The following RAB8B variants were observed in gnomAD, a reference collection of about 807,000 sequenced individuals.
RAB8B encodes the protein ras-related protein Rab-8B.
Under a neutral mutation model 32.0 loss-of-function variants are expected in RAB8B, and 11 were observed. The ratio of observed to expected loss-of-function variants is 0.34; its 90% CI spans 0.22 to 0.57. The LOEUF is 0.57. Among genes scored for constraint, RAB8B ranks in the 20% least tolerant of loss-of-function variants. RAB8B has a pLI of 0.86. For synonymous variants in RAB8B, 103 were observed against 89.6 expected, an observed-to-expected ratio of 1.15 and a Z score of -0.85; for missense variants, 190 against 258.5, an observed-to-expected ratio of 0.73 and a Z score of 1.82.
intron 1 of RAB8B, among the ~76,000 whole-genome samples, chr15:63,205,316 CAAAT>C (rs1005614981): frequency 1.9e-4 from 29 of 151,966 alleles, no homozygotes; most frequent in East Asian, 5.8e-4. Context: ...AATAAATAAA[CAAAT>C]AAATAAATAA....
chr15:63,253,659 A>G (rs2038134944), intron 3 of RAB8B, among the ~76,000 whole-genome samples: 1 of 152,106 alleles, frequency 6.6e-6, no homozygotes, highest in Non-Finnish European at 1.5e-5. Context: ...TCTAAAAAAA[A>G]GAAAGAAAGA....
Position 63,216,737 on chromosome 15 carries a change from G to A in RAB8B, c.124+26989G>A, listed in dbSNP as rs1169860124. The stretch of plus-strand genomic sequence containing the variant: ...TAGTCGGGCATGGTGGTGTGCACCT[G>A]TAGTCCCAGCTCTTTGGGAGGCTGA... On this transcript the variant is annotated intron_variant, in intron 1 of 7. Coordinates refer to ENST00000321437, the MANE Select transcript of RAB8B (RefSeq NM_016530.3). 2.0e-5 allele frequency among the ~76,000 whole-genome samples: 3 copies of A among 151,782 alleles called. No individual in the cohort carries two copies. In the East Asian group the frequency reaches 5.8e-4, roughly 30 times the overall value.
At chr15:63,247,758 A>C (rs1253945269) in intron 2 of RAB8B, among the ~76,000 whole-genome samples, 1 of 152,214 alleles carries the variant, frequency 6.6e-6, no homozygotes, top group African/African-American at 2.4e-5. Context: ...GGACAGAAGA[A>C]GAATATCCCC....
chr15:63,253,757 G>A (rs2038136469), intron 3 of RAB8B, among the ~76,000 whole-genome samples: 1 of 152,176 alleles, frequency 6.6e-6, no homozygotes, highest in South Asian at 2.1e-4. Flanking sequence ...ATCTGAATAA[G>A]GCCATGTGTG....
At chr15:63,230,956 C>G (rs1016226479) in intron 1 of RAB8B, among the ~76,000 whole-genome samples, 9 of 152,126 alleles carry the variant, frequency 5.9e-5, no homozygotes, top group Non-Finnish European at 1.0e-4. Flanking sequence ...TCTACTGCCT[C>G]TAGTAATTTG....
rs192852004 is a variant in RAB8B at position 63,226,776 on chromosome 15, G to A, written c.125-17980G>A. Among the ~76,000 whole-genome samples, 411 of 152,322 alleles carry A rather than the reference G, an allele frequency of 2.7e-3. 2 individuals are homozygous for A. The highest frequency in any genetic ancestry group is 9.7e-3 in the African/African-American group (403 of 41,570). Reference sequence around the variant, plus strand: ...GTAAGAAAGAATTCAGGGCGGGTCTGCAGTGCAAAGTGAAAGCAAGTTTAT... The same window carrying A: ...GTAAGAAAGAATTCAGGGCGGGTCTACAGTGCAAAGTGAAAGCAAGTTTAT... On this transcript the variant is annotated intron_variant, in intron 1 of 7. Transcript: ENST00000321437.
chr15:63,227,011 G>A (rs1215687782), intron 1 of RAB8B, among the ~76,000 whole-genome samples: 2 of 152,160 alleles, frequency 1.3e-5, no homozygotes, highest in Admixed American at 6.5e-5. Context: ...GAGTGTAGCA[G>A]TGACAACGAC....
chr15:63,251,034 G>A (rs1395286873), intron 3 of RAB8B, among the ~76,000 whole-genome samples: 1 of 151,954 alleles, frequency 6.6e-6, no homozygotes, highest in East Asian at 1.9e-4. Flanking sequence ...CAGTGTTGGA[G>A]TAGCATCATA....
chr15:63,255,258 C>A (rs1035964507), intron 3 of RAB8B, among the ~76,000 whole-genome samples: 3 of 152,096 alleles, frequency 2.0e-5, no homozygotes, highest in Non-Finnish European at 4.4e-5. Flanking sequence ...ATCACCTTTA[C>A]CACGATCACT....
intron 1 of RAB8B, among the ~76,000 whole-genome samples, chr15:63,207,984 C>T (rs752474979): frequency 2.0e-5 from 3 of 152,184 alleles, no homozygotes; most frequent in African/African-American, 7.2e-5. Flanking sequence ...CTAAGTGACC[C>T]GAGCACTTCC....
rs2038186226 is a variant in RAB8B at position 63,259,483 on chromosome 15, A to G, written c.415-144A>G. 1.6e-6 allele frequency: 1 copy of G among 641,418 alleles called. No homozygotes were observed. The highest frequency in any genetic ancestry group is 1.8e-5 in the African/African-American group (1 of 54,346). The allele number at this position is 641,418 out of a possible 1,614,324, so 39.7% of individuals were successfully genotyped here. A position where few individuals can be genotyped will look rare whatever the true frequency, so the allele number is the denominator to read the frequency against. On this transcript the variant is annotated intron_variant, in intron 5 of 7. Transcript: ENST00000321437. The surrounding 1 kb of genome is among the most constrained non-coding windows in gnomAD (Gnocchi z 4.4). ...TAAATTATTAAATTCTGAATACAGT[A>G]GAAGAAAGCAAAGAAATTTGAGAAC...
chr15:63,222,913 C>T, intron 1 of RAB8B: 1 of 311,210 alleles, frequency 3.2e-6, no homozygotes, highest in Non-Finnish European at 6.3e-6. Context: ...TGTTGTACTA[C>T]AGTTACCTTA....
At position 63,265,940 on chromosome 15, in the gene RAB8B, A is replaced by C. The variant is rs1040078329; in HGVS notation, c.*2321A>C. On this transcript the variant is annotated 3_prime_UTR_variant, in exon 8 of 8. Coordinates refer to ENST00000321437, the MANE Select transcript of RAB8B (RefSeq NM_016530.3). This position sits in a 1 kb window ranked among gnomAD's most constrained non-coding sequence, Gnocchi z 4.9. ...TATATAGAAATAAATTGTCCTTGCTATTTTCTTACATTTAGCTTTGCTAGA... is the reference window on the plus strand; with the variant it reads ...TATATAGAAATAAATTGTCCTTGCTCTTTTCTTACATTTAGCTTTGCTAGA... 3.9e-5 allele frequency: 6 copies of C among 152,516 alleles called. No individual in the cohort carries two copies. The highest frequency in any genetic ancestry group is 1.4e-4 in the African/African-American group (6 of 41,422). 9.4% of individuals were successfully genotyped at this position (152,516 alleles called of 1,614,324 possible).
chr15:63,192,818 G>C (rs1353232406), intron 1 of RAB8B, among the ~76,000 whole-genome samples: 1 of 152,170 alleles, frequency 6.6e-6, no homozygotes, highest in Non-Finnish European at 1.5e-5. Flanking sequence ...TATTGGCTGG[G>C]TGTGGTGGCT....
intron 2 of RAB8B, among the ~76,000 whole-genome samples, chr15:63,245,880 T>A (rs1009695448): frequency 1.3e-5 from 2 of 149,728 alleles, no homozygotes; most frequent in South Asian, 2.1e-4. Flanking sequence ...TTTTAATAAA[T>A]TTTTTTTTTG....
chr15:63,237,138 C>T (rs999151513), intron 1 of RAB8B, among the ~76,000 whole-genome samples: 1 of 152,146 alleles, frequency 6.6e-6, no homozygotes, highest in Non-Finnish European at 1.5e-5. Flanking sequence ...TTTCTTTGTC[C>T]ATTCATCTGT....
chr15:63,262,821 A>T (rs1239167635), intron 7 of RAB8B, 79 bp downstream of exon 7: 1 of 598,814 alleles, frequency 1.7e-6, no homozygotes, highest in Non-Finnish European at 2.5e-6. Context: ...TAATTATAAG[A>T]TACTCAAATT....
chr15:63,204,372 T>C (rs939919476), intron 1 of RAB8B, among the ~76,000 whole-genome samples: 1 of 152,146 alleles, frequency 6.6e-6, no homozygotes, highest in Non-Finnish European at 1.5e-5. Flanking sequence ...TAGTGTAATA[T>C]CAGGAGCAAG....
chr15:63,213,731 A>C (rs1035739223), intron 1 of RAB8B, among the ~76,000 whole-genome samples: 3 of 152,060 alleles, frequency 2.0e-5, no homozygotes, highest in African/African-American at 7.2e-5. Context: ...CTTCCAAATA[A>C]TTTTCTACAT....
Sources: gnomAD v4.1 joint callset for allele counts (sites outside exome capture counted in the v4.1 genomes callset) on GRCh38, gnomAD v4.1.1 for gene constraint, Gnocchi (gnomAD v3.1) non-coding constraint, MANE v1.5 for transcripts, NCBI Gene and HGNC (gene_info 2026-07-23, HGNC 2026-07-21) for gene names.